LPIN3: variants seen among roughly 807,000 people sequenced by gnomAD.
LPIN3 encodes the protein phosphatidate phosphatase LPIN3.
In LPIN3, 82 loss-of-function variants were observed where a neutral mutation model predicts 94.7. The ratio of observed to expected loss-of-function variants is 0.87; its 90% CI spans 0.72 to 1.04. LPIN3 has a LOEUF of 1.04. LPIN3 is among the 50% of genes least tolerant of loss of function. The pLI, the probability that LPIN3 is intolerant of heterozygous loss-of-function variation, is 0.00. For synonymous variants in LPIN3, 418 were observed against 443.3 expected (o/e 0.94, Z 0.72); for missense variants, 996 against 1,090.5 (o/e 0.91, Z 1.22).
chr20:41,357,638 A>G (rs2046259945), intron 16 of LPIN3, among the ~76,000 whole-genome samples, 191 bp downstream of exon 16: 1 of 152,192 alleles, frequency 6.6e-6, no homozygotes. Context: ...GTGTTCTAGG[A>G]TCAGGGCCCA....
chr20:41,358,107 A>C, intron 17 of LPIN3, 73 bp downstream of exon 17: 1 of 1,572,802 alleles, frequency 6.4e-7, no homozygotes, highest in Non-Finnish European at 8.6e-7. Flanking sequence ...GGCCAGCCTT[A>C]GCAGGCTGGC....
chr20:41,357,503 A>T, intron 16 of LPIN3, 56 bp downstream of exon 16: 1 of 1,470,124 alleles, frequency 6.8e-7, no homozygotes. Context: ...CTAGAGAGGG[A>T]GTGACAGGAC....
rs2046327237 is a variant in LPIN3 at position 41,359,518 on chromosome 20, A to C, written c.*652A>C. On this transcript the variant is annotated 3_prime_UTR_variant, in exon 20 of 20. Coordinates refer to ENST00000373257, the MANE Select transcript of LPIN3 (RefSeq NM_022896.3). Reference sequence around the variant, plus strand: ...CTGTAAGTCTTGATAGGACAGGGAGAAGAGGGAGGCCCTACCGAGGCTCGA... The same window carrying C: ...CTGTAAGTCTTGATAGGACAGGGAGCAGAGGGAGGCCCTACCGAGGCTCGA... 6.6e-6 allele frequency: 1 copy of C among 152,054 alleles called. No individual in the cohort carries two copies. Among genetic ancestry groups the C allele is most frequent in the Non-Finnish European group, 1.5e-5 (1 of 68,022 alleles). The allele number at this position is 152,054 out of a possible 1,614,324, so 9.4% of individuals were successfully genotyped here.
chr20:41,357,914 G>A lies in LPIN3; in HGVS notation c.2072G>A (p.Arg691Gln), dbSNP rs370184878. 7.4e-6 allele frequency: 12 copies of A among 1,614,068 alleles called. No homozygotes were observed. In the East Asian group the frequency reaches 1.1e-4, roughly 15 times the overall value. Residue 691 changes from arginine to glutamine, a missense_variant, in exon 17 of 20, where the codon CGG becomes CAG. Transcript: ENST00000373257. ...TACAAGTTCCTGTACTGCTCGGCGC[G>A]GGCCATTGGCATGGCGGACCTCACC... The part of the protein sequence containing the change: ...NGYKFLYCSA[R>Q]AIGMADLTKG...
Position 41,352,828 on chromosome 20 carries a change from G to C in LPIN3, c.1488G>C (p.Met496Ile), listed in dbSNP as rs1394647992. ...KHYNWAVAAP[M>I]ILSLQAFQKN... is the part of the protein sequence containing the mutation. ...ATAACTGGGCTGTGGCTGCCCCCAT[G>C]ATCCTCTCCCTGCAAGCCTTCCAGA... is the stretch of plus-strand genomic sequence containing the variant. Residue 496 changes from methionine to isoleucine, a missense_variant, in exon 11 of 20, where the codon ATG becomes ATC. Met to Ile is a conservative substitution (Grantham distance 10, BLOSUM62 1). Coordinates refer to ENST00000373257, the MANE Select transcript of LPIN3 (RefSeq NM_022896.3). The C allele has an allele frequency of 1.2e-6, 2 of 1,614,082 alleles. No homozygotes were observed. Among genetic ancestry groups the C allele is most frequent in the Admixed American group, 3.3e-5 (2 of 60,000 alleles).
Position 41,348,815 on chromosome 20 carries a change from G to A in LPIN3, c.485G>A (p.Ser162Asn). 2 of 1,611,784 alleles carry A rather than the reference G, an allele frequency of 1.2e-6. No homozygotes were observed. Among genetic ancestry groups the A allele is most frequent in the Non-Finnish European group, 1.7e-6 (2 of 1,179,044 alleles). Reference sequence around the variant, plus strand: ...GAGGATGCAGTGGCAACTGATTCTAGTCCAGAGGAACTGGAGGCAGGCGCT... The same window carrying A: ...GAGGATGCAGTGGCAACTGATTCTAATCCAGAGGAACTGGAGGCAGGCGCT... ...QKEDAVATDS[S>N]PEELEAGAES... The change falls in exon 4 of 20, where the codon AGT becomes AAT. Residue 162 changes from serine to asparagine, a missense_variant. Physicochemically the swap from Ser to Asn is conservative, Grantham distance 46. Transcript: ENST00000373257.
Position 41,348,687 on chromosome 20 carries a change from C to G in LPIN3, c.357C>G (p.Asp119Glu), listed in dbSNP as rs1209737817. Residue 119 changes from aspartate (D) to glutamate (E), a missense_variant, in exon 4 of 20, where the codon GAC becomes GAG. Asp to Glu is a conservative substitution (Grantham distance 45). Transcript: ENST00000373257. ...GGGGTCTGTCTGGCTTCCCCTCGGACTCCCAGCTGGGCACTGCCAGTGAGC... is the reference window on the plus strand; with the variant it reads ...GGGGTCTGTCTGGCTTCCCCTCGGAGTCCCAGCTGGGCACTGCCAGTGAGC... The part of the protein sequence containing the change: ...PWGGLSGFPS[D>E]SQLGTASEPE... 1.9e-6 allele frequency: 3 copies of G among 1,614,008 alleles called. No individual in the cohort carries two copies. The highest frequency in any genetic ancestry group is 1.1e-5 in the South Asian group (1 of 91,072).
rs1001669688 is a variant in LPIN3, at chr20:41,359,635, G to C, written c.*769G>C. The C allele has an allele frequency of 1.3e-5, 2 of 152,320 alleles. No individual in the cohort carries two copies. The highest frequency in any genetic ancestry group is 1.3e-4 in the Admixed American group (2 of 15,280). The allele number at this position is 152,320 out of a possible 1,614,324, so 9.4% of individuals were successfully genotyped here. A position where few individuals can be genotyped will look rare whatever the true frequency, so the allele number is the denominator to read the frequency against. Reference sequence around the variant, plus strand: ...CGCCCCTTGTCTGGGAGCCAGGACTGTACCCTCCGAAGCCAGACATCACTG... The same window carrying C: ...CGCCCCTTGTCTGGGAGCCAGGACTCTACCCTCCGAAGCCAGACATCACTG... On this transcript the variant is annotated 3_prime_UTR_variant, in exon 20 of 20. Transcript: ENST00000373257.
At chr20:41,356,295 G>A (rs183795128) in intron 14 of LPIN3, among the ~76,000 whole-genome samples, 1 of 152,202 alleles carries the variant, frequency 6.6e-6, no homozygotes, top group Non-Finnish European at 1.5e-5. Flanking sequence ...AACCTGTAGT[G>A]AGCCAGCAGG....
rs1473847242 is a variant in LPIN3 at position 41,346,006 on chromosome 20, A to G, written c.192+11A>G. 6 of 1,609,958 alleles carry G rather than the reference A, an allele frequency of 3.7e-6. No individual in the cohort carries two copies. The highest frequency in any genetic ancestry group is 5.1e-6 in the Non-Finnish European group (6 of 1,177,868). On this transcript the variant is annotated intron_variant, in intron 2 of 19. Transcript: ENST00000373257. ...TCGCGGGAGAAGGTGGTGAGTGCTC[A>G]GGCTGGCTGAGGTGGCTACTGCAGA...
rs148237195 is a variant in LPIN3 at position 41,354,682 on chromosome 20, G to A, written c.1565G>A (p.Arg522Gln). The A allele has an allele frequency of 3.3e-4, 527 of 1,603,466 alleles. 3 individuals carry two copies. In the East Asian group the frequency reaches 0.011, roughly 32 times the overall value. ...AAGCTGGAGAGGGAGAAGATGCCCC[G>A]GAAGGGTGGGCGATGGTGGTTTTCC... Reference protein sequence around the residue: ...MDKLEREKMPRKGGRWWFSWR... With the variant: ...MDKLEREKMPQKGGRWWFSWR... Residue 522 changes from arginine to glutamine, a missense_variant, in exon 12 of 20, where the codon CGG becomes CAG. By Grantham distance (43) the Arg-to-Gln change is conservative. Coordinates refer to ENST00000373257, the MANE Select transcript of LPIN3 (RefSeq NM_022896.3).
chr20:41,347,445 T>A, intron 2 of LPIN3, 107 bp from the exon 3 acceptor site: 1 of 1,008,266 alleles, frequency 9.9e-7, no homozygotes. Flanking sequence ...CCCCAGCAAG[T>A]ATGGTGTTTG....
chr20:41,341,283 C>T (rs2045569107), intron 1 of LPIN3, among the ~76,000 whole-genome samples: 1 of 152,216 alleles, frequency 6.6e-6, no homozygotes, highest in Non-Finnish European at 1.5e-5. Context: ...GACTGTGTGA[C>T]CTTGAGGAGG....
In LPIN3 at chr20:41,350,392, G is replaced by C. The variant is rs1243549621; in HGVS notation, c.1097G>C (p.Gly366Ala). ...PTGQPERVSR[G>A]KGSPKRSQHL... ...GGGCAGCCAGAGAGGGTCTCCAGGG[G>C]GAAAGGTGAGTGACGCTGGGTCTCT... is the stretch of plus-strand genomic sequence containing the variant. The change falls in exon 7 of 20, where the codon GGG becomes GCG. Residue 366 changes from glycine (G) to alanine (A), a missense_variant. By Grantham distance (60) the Gly-to-Ala change is moderately conservative. Transcript: ENST00000373257. The C allele has an allele frequency of 6.4e-7, 1 of 1,561,494 alleles. No individual in the cohort carries two copies. The highest frequency in any genetic ancestry group is 1.8e-5 in the Admixed American group (1 of 56,310).
intron 3 of LPIN3, among the ~76,000 whole-genome samples, 161 bp downstream of exon 3, chr20:41,347,808 C>T (rs558722804): frequency 1.3e-5 from 2 of 152,242 alleles, no homozygotes; most frequent in Admixed American, 6.5e-5. Flanking sequence ...CTCTGGCACA[C>T]GTGATATGCT....
intron 9 of LPIN3, 45 bp downstream of exon 9, chr20:41,352,265 C>A: frequency 6.2e-7 from 1 of 1,605,744 alleles, no homozygotes; most frequent in Admixed American, 1.7e-5. Context: ...TGGTGCTGAG[C>A]CCAGAGGATG....
At chr20:41,353,062 G>A (rs544822615) in intron 11 of LPIN3, among the ~76,000 whole-genome samples, 195 bp downstream of exon 11, 2 of 152,318 alleles carry the variant, frequency 1.3e-5, no homozygotes, top group African/African-American at 4.8e-5. Context: ...TTTCCTGGCC[G>A]TGGCTGAATC....
Position 41,348,737 on chromosome 20 carries a change from C to A in LPIN3, c.407C>A (p.Thr136Lys), listed in dbSNP as rs199764930. The A allele has an allele frequency of 3.1e-6, 5 of 1,613,596 alleles. No homozygotes were observed. The Admixed American group carries it at 6.7e-5, about 22-fold the overall frequency. ...CCTGAGGGCCTCGTCATGGCAGGCA[C>A]GGCCTCCACTGGGCGGAGGAAGAGG... ...SEPEGLVMAG[T>K]ASTGRRKRRR... The change falls in exon 4 of 20, where the codon ACG becomes AAG. Residue 136 changes from threonine (T) to lysine (K), a missense_variant. Physicochemically the swap from Thr to Lys is moderately conservative, Grantham distance 78. Coordinates refer to ENST00000373257, the MANE Select transcript of LPIN3 (RefSeq NM_022896.3).
At position 41,358,450 on chromosome 20, in the gene LPIN3, C is replaced by T. The variant is rs771104042; in HGVS notation, c.2319C>T (p.Ala773=). The T allele has an allele frequency of 2.5e-6, 4 of 1,614,010 alleles. No homozygotes were observed. The African/African-American group carries it at 5.3e-5, about 22-fold the overall frequency. Residue 773 remains alanine (A), a synonymous_variant, in exon 19 of 20, where the codon GCC becomes GCT. Transcript: ENST00000373257. ...AFGNRPNDVF[A]YRQVGLPESR... is the part of the protein sequence containing the mutation. Reference sequence around the variant, plus strand: ...CCTGTCTCCCACAGGATGTCTTTGCCTACCGGCAGGTGGGCCTGCCTGAGT... The same window carrying T: ...CCTGTCTCCCACAGGATGTCTTTGCTTACCGGCAGGTGGGCCTGCCTGAGT...
Sources: allele counts gnomAD v4.1 joint callset (sites outside exome capture counted in the v4.1 genomes callset), GRCh38; gene constraint gnomAD v4.1.1; transcripts MANE v1.5; gene names NCBI Gene and HGNC (gene_info 2026-07-23, HGNC 2026-07-21).